Variants in AFAP1 observed in about 807,000 individuals in gnomAD.
AFAP1 encodes actin filament associated protein 1, also known as actin filament-associated protein 1.
AFAP1 carries 75 observed loss-of-function variants against 93.9 expected under a neutral mutation model. The observed-to-expected ratio is 0.80, with a 90% CI of 0.66 to 0.97. The LOEUF (loss-of-function observed/expected upper bound fraction) is 0.97, where lower values mean the gene tolerates loss of function less well. Among genes scored for constraint, AFAP1 ranks in the 50% least tolerant of loss-of-function variants. The pLI, the probability that AFAP1 is intolerant of heterozygous loss-of-function variation, is 0.00. For missense variants in AFAP1, 1,201 were observed against 1,050.8 expected, an observed-to-expected ratio of 1.14 and a Z score of -1.98; for synonymous variants, 517 against 430.7, an observed-to-expected ratio of 1.20 and a Z score of -2.48.
At chr4:7,887,194 G>A (rs1160796080) in intron 1 of AFAP1, among the ~76,000 whole-genome samples, 1 of 152,142 alleles carries the variant, frequency 6.6e-6, no homozygotes, top group South Asian at 2.1e-4. Flanking sequence ...AAGAATGATA[G>A]GAACAGGAGA....
chr4:7,774,338 T>C (rs1342709598), intron 15 of AFAP1: 1 of 181,764 alleles, frequency 5.5e-6, no homozygotes, highest in Non-Finnish European at 1.1e-5. Context: ...TGAATATTAC[T>C]GACCCCTGTG....
At chr4:7,817,499 G>A (rs955821800) in intron 7 of AFAP1, among the ~76,000 whole-genome samples, 26 of 152,304 alleles carry the variant, frequency 1.7e-4, no homozygotes, top group African/African-American at 5.8e-4. Flanking sequence ...GCTGAGACAG[G>A]AGAATGACTT....
intron 6 of AFAP1, among the ~76,000 whole-genome samples, chr4:7,819,552 C>G (rs1720782649): frequency 6.6e-6 from 1 of 152,002 alleles, no homozygotes; most frequent in African/African-American, 2.4e-5. Context: ...ATCAAGAGAC[C>G]AGGGGGCCTT....
Position 7,855,417 on chromosome 4 carries a change from G to A in AFAP1, c.334+49C>T, listed in dbSNP as rs772859874. On this transcript the variant is annotated intron_variant, in intron 4 of 17. Coordinates refer to ENST00000420658, the MANE Select transcript of AFAP1 (RefSeq NM_001134647.2). Reference sequence around the variant, plus strand: ...CAGAAAGGGGACAGGCTCTGCAACAGTCCTGCCAATCACAAAGGCAGCATG... The same window carrying A: ...CAGAAAGGGGACAGGCTCTGCAACAATCCTGCCAATCACAAAGGCAGCATG... 20 of 1,413,786 alleles carry A rather than the reference G, an allele frequency of 1.4e-5. No individual in the cohort carries two copies. In the South Asian group the frequency reaches 2.5e-4, roughly 17 times the overall value. 87.6% of individuals were successfully genotyped at this position (1,413,786 alleles called of 1,614,324 possible).
chr4:7,895,855 T>TTG (rs1393823538), intron 1 of AFAP1, among the ~76,000 whole-genome samples: 5 of 149,072 alleles, frequency 3.4e-5, no homozygotes, highest in Non-Finnish European at 7.4e-5. Flanking sequence ...TCAGAAAGTT[T>TTG]TTTTTTTTTT....
At chr4:7,934,763 C>G (rs1560244500) in intron 1 of AFAP1, among the ~76,000 whole-genome samples, 1 of 152,180 alleles carries the variant, frequency 6.6e-6, no homozygotes, top group Non-Finnish European at 1.5e-5. Flanking sequence ...GCTTTGCTGA[C>G]CTTGACCTCT....
At chr4:7,883,974 T>C (rs1250245502) in intron 1 of AFAP1, among the ~76,000 whole-genome samples, 2 of 152,178 alleles carry the variant, frequency 1.3e-5, no homozygotes, top group Non-Finnish European at 2.9e-5. Context: ...TGAGATGTAA[T>C]CCCCAGTGTT....
chr4:7,778,506 C>T (rs1716389915), intron 14 of AFAP1: 1 of 545,084 alleles, frequency 1.8e-6, no homozygotes, highest in Non-Finnish European at 3.3e-6. Flanking sequence ...CTCACAACTG[C>T]CTCCTATTTT....
At chr4:7,827,120 A>G (rs1199779228) in intron 6 of AFAP1, among the ~76,000 whole-genome samples, 1 of 152,182 alleles carries the variant, frequency 6.6e-6, no homozygotes, top group Non-Finnish European at 1.5e-5. Flanking sequence ...TGGGCTGAAG[A>G]GCCCACAGGA....
Position 7,779,463 on chromosome 4 carries a change from GTACTC to G in AFAP1, c.1783-592_1783-588del, listed in dbSNP as rs1716517141. On this transcript the variant is annotated intron_variant, in intron 13 of 17. Coordinates refer to ENST00000420658, the MANE Select transcript of AFAP1 (RefSeq NM_001134647.2). ...TACAGGTTTCTGAAAAAGTGAAATA[GTACTC>G]TACTCCTGAGACTGATACAGGCCAA... Among the ~76,000 whole-genome samples, 4 of 152,184 alleles carry G rather than the reference GTACTC, an allele frequency of 2.6e-5. No homozygotes were observed. In the South Asian group the frequency reaches 8.3e-4, roughly 32 times the overall value.
chr4:7,906,872 G>A (rs750561839), intron 1 of AFAP1, among the ~76,000 whole-genome samples: 12 of 152,210 alleles, frequency 7.9e-5, no homozygotes, highest in Middle Eastern at 3.4e-3. Context: ...AATGCTGGCG[G>A]GCGCCTGTAA....
At chr4:7,797,246 A>G (rs1273380587) in intron 10 of AFAP1, among the ~76,000 whole-genome samples, 1 of 152,188 alleles carries the variant, frequency 6.6e-6, no homozygotes, top group Non-Finnish European at 1.5e-5. Flanking sequence ...GTTACAGGCA[A>G]AGAGTCATTA....
intron 1 of AFAP1, among the ~76,000 whole-genome samples, chr4:7,911,439 T>C (rs1719719689): frequency 6.6e-6 from 1 of 152,238 alleles, no homozygotes. Context: ...GAACTATGAA[T>C]GTGCTTTCTA....
chr4:7,769,005 G>C lies in AFAP1; in HGVS notation c.2257C>G (p.Pro753Ala). Residue 753 changes from proline (P) to alanine (A), a missense_variant, in exon 17 of 18, where the codon CCA becomes GCA. Transcript: ENST00000420658. ...PKSGTSSPQS[P>A]VFRHRTLENS... ...TCCAGGGTCCGGTGCCGGAACACTG[G>C]AGACTTAACGGAGAGAGAGAACCCC... 1 of 1,608,070 alleles carries C rather than the reference G, an allele frequency of 6.2e-7. No individual in the cohort carries two copies. The highest frequency in any genetic ancestry group is 1.1e-5 in the South Asian group (1 of 90,542).
chr4:7,858,998 C>G (rs988419185), intron 3 of AFAP1, among the ~76,000 whole-genome samples: 1 of 152,212 alleles, frequency 6.6e-6, no homozygotes, highest in African/African-American at 2.4e-5. Context: ...GCCCCACACA[C>G]CACTGTGGAA....
rs182535855 is a variant in AFAP1 at position 7,915,635 on chromosome 4, G to C, written c.-3+24021C>G. On this transcript the variant is annotated intron_variant, in intron 1 of 17. Coordinates refer to ENST00000420658, the MANE Select transcript of AFAP1 (RefSeq NM_001134647.2). ...TGCTGCTACTTTCTAATGTGACTTT[G>C]GGAAGGTCCCTTAACCACTTTGAGC... Among the ~76,000 whole-genome samples, 33 of 152,336 alleles carry C rather than the reference G, an allele frequency of 2.2e-4. 1 individual carries two copies. Among genetic ancestry groups the C allele is most frequent in the Admixed American group, 1.2e-3 (18 of 15,304 alleles).
At chr4:7,793,173 T>TTTA (rs1553829041) in intron 11 of AFAP1, among the ~76,000 whole-genome samples, 1 of 150,514 alleles carries the variant, frequency 6.6e-6, no homozygotes, top group East Asian at 1.9e-4. Context: ...TTTTTTTTTT[T>TTTA]AAAAAAATCA....
chr4:7,855,568 C>G lies in AFAP1; in HGVS notation c.232G>C (p.Asp78His). 1.2e-6 allele frequency: 2 copies of G among 1,612,096 alleles called. No homozygotes were observed. Among genetic ancestry groups the G allele is most frequent in the Non-Finnish European group, 1.7e-6 (2 of 1,178,256 alleles). ...PEIPQPWLPP[D>H]SGPPPLPTSS... ...GTTGGCAATGGTGGAGGCCCACTGT[C>G]AGGAGGCTGAGGAAGAAAGGAAAAG... is the stretch of plus-strand genomic sequence containing the variant. Residue 78 changes from aspartate (D) to histidine (H), a missense_variant, in exon 4 of 18, where the codon GAC (aspartate) becomes CAC (histidine). Physicochemically the swap from Asp to His is moderately conservative, Grantham distance 81. Transcript: ENST00000420658.
At chr4:7,898,981 G>GGT (rs941517049) in intron 1 of AFAP1, among the ~76,000 whole-genome samples, 1 of 147,206 alleles carries the variant, frequency 6.8e-6, no homozygotes, top group African/African-American at 2.5e-5. Context: ...TATATACAAT[G>GGT]GTATTGTATA....
Sources: gnomAD v4.1 joint callset for allele counts (sites outside exome capture counted in the v4.1 genomes callset) on GRCh38, gnomAD v4.1.1 for gene constraint, MANE v1.5 for transcripts, NCBI Gene and HGNC (gene_info 2026-07-23, HGNC 2026-07-21) for gene names.